Variants in PHACTR4 observed in about 807,000 individuals in gnomAD.
The protein encoded by PHACTR4 is protein phosphatase 1, regulatory subunit 124.
A neutral mutation model predicts 72.7 loss-of-function variants in PHACTR4; 51 were observed. That is an observed-to-expected ratio of 0.70 (90% CI 0.56 to 0.89). The LOEUF (loss-of-function observed/expected upper bound fraction) is 0.89, where lower values mean the gene tolerates loss of function less well. Among genes scored for constraint, PHACTR4 ranks in the 40% least tolerant of loss-of-function variants. The probability of loss-of-function intolerance (pLI) is 0.00; values close to 1 mark genes in which losing one functional copy is unlikely to be tolerated. For synonymous variants in PHACTR4, 255 were observed against 302.5 expected (o/e 0.84, Z 1.63); for missense variants, 731 against 861.8 (o/e 0.85, Z 1.90).
At chr1:28,382,455 C>T (rs1217686094) in intron 1 of PHACTR4, among the ~76,000 whole-genome samples, 5 of 151,896 alleles carry the variant, frequency 3.3e-5, no homozygotes, top group Non-Finnish European at 5.9e-5. Context: ...AGGCGCATGC[C>T]ACCACGCCTG....
intron 1 of PHACTR4, among the ~76,000 whole-genome samples, chr1:28,397,133 G>T (rs1653576609): frequency 6.6e-6 from 1 of 152,090 alleles, no homozygotes; most frequent in Admixed American, 6.6e-5. Context: ...AATCATGATA[G>T]AATTAAAAAC....
chr1:28,378,579 CCTT>C (rs199563080), intron 1 of PHACTR4, among the ~76,000 whole-genome samples: 32,686 of 136,598 alleles, frequency 0.24, 3,822 homozygotes, highest in Middle Eastern at 0.31. Flanking sequence ...GCCCCCCCCC[CCTT>C]TTTTTTTAAC....
intron 6 of PHACTR4, 95 bp downstream of exon 6, chr1:28,466,863 G>T: frequency 6.8e-7 from 1 of 1,480,292 alleles, no homozygotes. Context: ...TTTGGTCTGT[G>T]AGAATTTTCC....
chr1:28,483,816 A>G (rs1660444894), intron 9 of PHACTR4, among the ~76,000 whole-genome samples: 1 of 151,480 alleles, frequency 6.6e-6, no homozygotes, highest in African/African-American at 2.4e-5. Context: ...AAAAAAAAAA[A>G]AAAGAGAGAG....
intron 2 of PHACTR4, chr1:28,457,966 C>T (rs1658513709): frequency 3.2e-6 from 2 of 616,292 alleles, no homozygotes; most frequent in Non-Finnish European, 4.1e-6. Flanking sequence ...CCTTGGCTCT[C>T]CTTTCTCTGC....
intron 1 of PHACTR4, among the ~76,000 whole-genome samples, chr1:28,373,975 A>C (rs1256224340): frequency 6.6e-6 from 1 of 152,224 alleles, no homozygotes; most frequent in East Asian, 1.9e-4. Context: ...CAACAGCTTT[A>C]ATTTGCTAAA....
intron 1 of PHACTR4, among the ~76,000 whole-genome samples, chr1:28,398,830 A>G (rs1217184981): frequency 6.6e-6 from 1 of 151,942 alleles, no homozygotes; most frequent in Non-Finnish European, 1.5e-5. Flanking sequence ...AAAAAGAAAA[A>G]AAAATTTAAT....
chr1:28,470,465 A>G (rs972868274), intron 6 of PHACTR4, among the ~76,000 whole-genome samples: 10 of 150,418 alleles, frequency 6.6e-5, no homozygotes, highest in Admixed American at 6.6e-4. Context: ...TGAGGCAGGT[A>G]GATTACCTGA....
At chr1:28,489,759 C>A (rs1254052365) in intron 10 of PHACTR4, 1 of 518,606 alleles carries the variant, frequency 1.9e-6, no homozygotes, top group African/African-American at 1.9e-5. Flanking sequence ...GTACATATTT[C>A]ATTTGTTTTT....
chr1:28,493,190 C>A, intron 13 of PHACTR4, 99 bp downstream of exon 13: 2 of 1,011,356 alleles, frequency 2.0e-6, no homozygotes, highest in Non-Finnish European at 3.0e-6. Context: ...AAAAGGAAAA[C>A]ACTCAGTGTT....
intron 4 of PHACTR4, 136 bp from the exon 5 acceptor site, chr1:28,465,549 A>C (rs1373615030): frequency 1.2e-6 from 1 of 866,778 alleles, no homozygotes; most frequent in African/African-American, 1.7e-5. Context: ...CCAGGAGTTC[A>C]AGACCAGCCT....
intron 2 of PHACTR4, among the ~76,000 whole-genome samples, chr1:28,427,827 A>C (rs550175155): frequency 2.0e-5 from 3 of 152,304 alleles, no homozygotes; most frequent in Admixed American, 2.0e-4. Flanking sequence ...GACACATTAG[A>C]GGTACTCAGC....
intron 2 of PHACTR4, chr1:28,438,375 C>T: frequency 6.2e-7 from 1 of 1,610,874 alleles, no homozygotes. Context: ...ATACATCAGA[C>T]AATATAATCA....
At chr1:28,483,511 A>T (rs1660416138) in intron 9 of PHACTR4, among the ~76,000 whole-genome samples, 1 of 151,942 alleles carries the variant, frequency 6.6e-6, no homozygotes, top group African/African-American at 2.4e-5. Context: ...AAAAAAAGAG[A>T]TAAATCATGG....
intron 9 of PHACTR4, among the ~76,000 whole-genome samples, chr1:28,484,325 A>C (rs1406595724): frequency 6.6e-6 from 1 of 152,080 alleles, no homozygotes; most frequent in Non-Finnish European, 1.5e-5. Flanking sequence ...CATCTCAAAA[A>C]ATAATAAATA....
intron 1 of PHACTR4, among the ~76,000 whole-genome samples, chr1:28,393,410 C>T (rs534322663): frequency 6.6e-6 from 1 of 152,240 alleles, no homozygotes; most frequent in Middle Eastern, 3.4e-3. Flanking sequence ...ACACTTCTGT[C>T]AATGCTGGAC....
At chr1:28,395,555 G>C (rs1031778062) in intron 1 of PHACTR4, among the ~76,000 whole-genome samples, 1 of 151,114 alleles carries the variant, frequency 6.6e-6, no homozygotes, top group African/African-American at 2.4e-5. Context: ...AAAGAAGAAA[G>C]TTTCATTTTT....
intron 2 of PHACTR4, among the ~76,000 whole-genome samples, chr1:28,416,978 A>G (rs982910816): frequency 6.6e-6 from 1 of 151,584 alleles, no homozygotes; most frequent in East Asian, 1.9e-4. Context: ...TCCTTTGTCC[A>G]CTGAATTACC....
Position 28,451,831 on chromosome 1 carries a change from G to T in PHACTR4, c.17-7254G>T, listed in dbSNP as rs181337551. On this transcript the variant is annotated intron_variant, in intron 2 of 13. Coordinates refer to ENST00000373839, the MANE Select transcript of PHACTR4 (RefSeq NM_001048183.3). ...AATTTTTTTTTTTTGTAGAGGCAGG[G>T]TCTCCCTATGTTGCTCAAGCTGATC... is the stretch of plus-strand genomic sequence containing the variant. Among the ~76,000 whole-genome samples the T allele has an allele frequency of 3.9e-3, 587 of 151,870 alleles. 3 individuals are homozygous for T. The highest frequency in any genetic ancestry group is 0.013 in the African/African-American group (539 of 41,386).
Sources: gnomAD v4.1 joint callset for allele counts (sites outside exome capture counted in the v4.1 genomes callset) on GRCh38, gnomAD v4.1.1 for gene constraint, MANE v1.5 for transcripts, NCBI Gene and HGNC (gene_info 2026-07-23, HGNC 2026-07-21) for gene names.